Variants in CDH11 observed in about 807,000 individuals in gnomAD.
The protein encoded by CDH11 is cadherin-11.
In CDH11, 11 loss-of-function variants were observed where a neutral mutation model predicts 67.8. The observed-to-expected ratio is 0.16, with a 90% CI of 0.10 to 0.27. The LOEUF (loss-of-function observed/expected upper bound fraction) is 0.27. CDH11 is among the 10% of genes least tolerant of loss of function. The pLI is 1.00. For missense variants in CDH11, 847 were observed against 1,031.2 expected (o/e 0.82, Z 2.45); for synonymous variants, 419 against 400.0 (o/e 1.05, Z -0.57).
intron 2 of CDH11, among the ~76,000 whole-genome samples, chr16:65,042,451 G>A (rs2073883226): frequency 6.6e-6 from 1 of 152,136 alleles, no homozygotes; most frequent in Admixed American, 6.5e-5. Flanking sequence ...TTCCAAGACT[G>A]AGAGAATAGA....
chr16:65,017,930 T>C (rs1444033685), intron 2 of CDH11, among the ~76,000 whole-genome samples: 1 of 152,194 alleles, frequency 6.6e-6, no homozygotes, highest in African/African-American at 2.4e-5. Context: ...AAACAAATCA[T>C]GGTAGAACTG....
chr16:65,109,410 C>T (rs1278792653), intron 1 of CDH11, among the ~76,000 whole-genome samples: 2 of 152,198 alleles, frequency 1.3e-5, no homozygotes, highest in Non-Finnish European at 2.9e-5. Context: ...ATGAGACTAA[C>T]TCCAGAGAAA....
intron 1 of CDH11, among the ~76,000 whole-genome samples, chr16:65,063,760 T>TCAGTCA (rs1567556513): frequency 6.6e-6 from 1 of 152,222 alleles, no homozygotes; most frequent in Non-Finnish European, 1.5e-5. Context: ...TGTAAACATT[T>TCAGTCA]CAGTCACATT....
At chr16:65,064,679 A>T (rs528190478) in intron 1 of CDH11, among the ~76,000 whole-genome samples, 7 of 152,348 alleles carry the variant, frequency 4.6e-5, no homozygotes, top group African/African-American at 1.7e-4. Flanking sequence ...GGATTCAATT[A>T]TGTTGTTTCC....
At chr16:65,101,351 C>T (rs935850442) in intron 1 of CDH11, among the ~76,000 whole-genome samples, 1 of 152,198 alleles carries the variant, frequency 6.6e-6, no homozygotes, top group East Asian at 1.9e-4. Context: ...CTGACCTCAC[C>T]TGTGATGCTA....
chr16:65,019,331 T>G (rs984135386), intron 2 of CDH11, among the ~76,000 whole-genome samples: 1 of 152,186 alleles, frequency 6.6e-6, no homozygotes, highest in African/African-American at 2.4e-5. Flanking sequence ...TCTAAAACAA[T>G]AACTCAAAAT....
At chr16:64,999,342 C>G (rs1329440856) in intron 3 of CDH11, among the ~76,000 whole-genome samples, 1 of 151,546 alleles carries the variant, frequency 6.6e-6, no homozygotes, top group Non-Finnish European at 1.5e-5. Context: ...TATGCATATG[C>G]AAGGAAATCT....
Position 64,947,537 on chromosome 16 carries a change from T to C in CDH11, c.*66A>G. 6.5e-7 allele frequency: 1 copy of C among 1,532,172 alleles called. No individual in the cohort carries two copies. Among genetic ancestry groups the C allele is most frequent in the Non-Finnish European group, 8.8e-7 (1 of 1,142,392 alleles). 94.9% of individuals were successfully genotyped at this position (1,532,172 alleles called of 1,614,324 possible). A position where few individuals can be genotyped will look rare whatever the true frequency, so the allele number is the denominator to read the frequency against. ...TCCTTGATTTAAAAAAATACCTGTT[T>C]ACACATCTTCTAGATTCTTGAGAAC... On this transcript the variant is annotated 3_prime_UTR_variant, in exon 13 of 13. Coordinates refer to ENST00000268603, the MANE Select transcript of CDH11 (RefSeq NM_001797.4).
intron 1 of CDH11, among the ~76,000 whole-genome samples, chr16:65,063,239 A>G (rs1193066945): frequency 6.6e-6 from 1 of 152,146 alleles, no homozygotes; most frequent in Admixed American, 6.5e-5. Context: ...CACAAACACA[A>G]AACACATATT....
At chr16:65,052,619 TGTTA>T (rs1400760659) in intron 2 of CDH11, among the ~76,000 whole-genome samples, 3 of 152,092 alleles carry the variant, frequency 2.0e-5, no homozygotes, top group Non-Finnish European at 4.4e-5. Flanking sequence ...CCTAGAAGCT[TGTTA>T]AGAAAAGCTT....
At chr16:65,116,265 G>A (rs904201430) in intron 1 of CDH11, among the ~76,000 whole-genome samples, 3 of 152,140 alleles carry the variant, frequency 2.0e-5, no homozygotes, top group Admixed American at 6.6e-5. Context: ...AAGATGCATC[G>A]ATAGCAGGGA....
chr16:65,122,239 C>T, upstream of CDH11: 1 of 470,968 alleles, frequency 2.1e-6, no homozygotes, highest in Non-Finnish European at 3.8e-6. Flanking sequence ...CTCGCAGAGG[C>T]TGCGGGGGCC....
At chr16:65,090,573 C>T (rs1451567962) in intron 1 of CDH11, among the ~76,000 whole-genome samples, 1 of 152,194 alleles carries the variant, frequency 6.6e-6, no homozygotes, top group Non-Finnish European at 1.5e-5. Context: ...AATAATTATA[C>T]TGCGGTCCTT....
chr16:64,962,065 A>G (rs138723510), intron 11 of CDH11, among the ~76,000 whole-genome samples: 1 of 152,302 alleles, frequency 6.6e-6, no homozygotes, highest in East Asian at 1.9e-4. Flanking sequence ...AATCTATGCA[A>G]TTAGATGAAA....
chr16:64,961,442 AG>A (rs1397826084), intron 11 of CDH11, among the ~76,000 whole-genome samples: 1 of 152,142 alleles, frequency 6.6e-6, no homozygotes, highest in East Asian at 1.9e-4. Context: ...CCCATTGTAA[AG>A]CTTGTAGCCC....
chr16:65,034,476 T>C (rs776271579), intron 2 of CDH11, among the ~76,000 whole-genome samples: 2 of 152,170 alleles, frequency 1.3e-5, no homozygotes, highest in Admixed American at 1.3e-4. Flanking sequence ...ACAGGCCACA[T>C]GTACCCTGAG....
chr16:64,955,056 C>T (rs575507563), intron 11 of CDH11, among the ~76,000 whole-genome samples: 268 of 151,636 alleles, frequency 1.8e-3, no homozygotes, highest in Non-Finnish European at 3.3e-3. Flanking sequence ...ACCATACTGG[C>T]TAATGCGGTG....
rs903092306 is a variant in CDH11 at position 64,959,544 on chromosome 16, T to G, written c.1643-8526A>C. On this transcript the variant is annotated intron_variant, in intron 11 of 12. Coordinates refer to ENST00000268603, the MANE Select transcript of CDH11 (RefSeq NM_001797.4). ...TCTACCAAGAAGATCTATTTATTTTTTTGTTGTTGTTGGATTGAGGAGAGA... is the reference window on the plus strand; with the variant it reads ...TCTACCAAGAAGATCTATTTATTTTGTTGTTGTTGTTGGATTGAGGAGAGA... Among the ~76,000 whole-genome samples the G allele has an allele frequency of 3.9e-5, 6 of 152,274 alleles. No individual in the cohort carries two copies. The East Asian group carries it at 5.8e-4, about 15-fold the overall frequency.
intron 4 of CDH11, among the ~76,000 whole-genome samples, chr16:64,996,769 C>T (rs1305182641): frequency 1.3e-5 from 2 of 152,134 alleles, no homozygotes; most frequent in African/African-American, 2.4e-5. Context: ...GGCCATTATC[C>T]TGAGCAAATT....
Sources: allele counts gnomAD v4.1 joint callset (sites outside exome capture counted in the v4.1 genomes callset), GRCh38; gene constraint gnomAD v4.1.1; transcripts MANE v1.5; gene names NCBI Gene and HGNC (gene_info 2026-07-23, HGNC 2026-07-21).